AFDN: variants seen among roughly 807,000 people sequenced by gnomAD.
AFDN encodes afadin.
A neutral mutation model predicts 216.6 loss-of-function variants in AFDN; 68 were observed. That is an observed-to-expected ratio of 0.31 (90% CI 0.26 to 0.38). The LOEUF (loss-of-function observed/expected upper bound fraction) is 0.38, where lower values mean the gene tolerates loss of function less well. Among genes scored for constraint, AFDN ranks in the 10% least tolerant of loss-of-function variants. The probability of loss-of-function intolerance (pLI) is 1.00; values close to 1 mark genes in which losing one functional copy is unlikely to be tolerated. For missense variants in AFDN, 2,136 were observed against 2,342.0 expected (o/e 0.91, Z 1.82); for synonymous variants, 868 against 853.7 (o/e 1.02, Z -0.29).
chr6:167,896,854 G>T (rs748825922), intron 9 of AFDN, 24 bp from the exon 10 acceptor site: 1 of 1,456,940 alleles, frequency 6.9e-7, no homozygotes, highest in Non-Finnish European at 9.6e-7. Flanking sequence ...TGCAAATAGA[G>T]CTGTCTTCCT....
At chr6:167,889,624 G>T (rs925867939) in intron 7 of AFDN, among the ~76,000 whole-genome samples, 1 of 152,154 alleles carries the variant, frequency 6.6e-6, no homozygotes, top group Non-Finnish European at 1.5e-5. Context: ...TAGAGATGGG[G>T]TTTCTCCATG....
intron 3 of AFDN, 51 bp downstream of exon 3, chr6:167,870,549 C>T: frequency 2.7e-6 from 3 of 1,106,778 alleles, no homozygotes; most frequent in Non-Finnish European, 4.0e-6. Flanking sequence ...CCAGGTCTGA[C>T]TGATAAACAG....
intron 1 of AFDN, among the ~76,000 whole-genome samples, chr6:167,835,765 A>G (rs1048885082): frequency 1.3e-5 from 2 of 152,230 alleles, no homozygotes; most frequent in Non-Finnish European, 1.5e-5. Flanking sequence ...TCAAAATATT[A>G]CTAAGAAAAT....
intron 1 of AFDN, among the ~76,000 whole-genome samples, chr6:167,863,544 AT>A (rs1185484139): frequency 6.6e-6 from 1 of 152,212 alleles, no homozygotes; most frequent in Non-Finnish European, 1.5e-5. Context: ...TTCTGGGTGT[AT>A]TTTGATGGAT....
At chr6:167,921,750 A>G (rs1383507044) in intron 21 of AFDN, among the ~76,000 whole-genome samples, 1 of 152,226 alleles carries the variant, frequency 6.6e-6, no homozygotes, top group Non-Finnish European at 1.5e-5. Context: ...CATGAGAAAG[A>G]GAAGCAAGTT....
At chr6:167,863,657 T>G in intron 1 of AFDN, 1 of 393,126 alleles carries the variant, frequency 2.5e-6, no homozygotes, top group South Asian at 2.1e-5. Context: ...TCTGGAATTT[T>G]TGTTGGGAGT....
At chr6:167,856,634 T>G (rs559100563) in intron 1 of AFDN, among the ~76,000 whole-genome samples, 1 of 152,140 alleles carries the variant, frequency 6.6e-6, no homozygotes, top group African/African-American at 2.4e-5. Flanking sequence ...TGATGAAATA[T>G]GTAGTTCCTA....
At chr6:167,839,265 T>G (rs1780786352) in intron 1 of AFDN, among the ~76,000 whole-genome samples, 1 of 152,214 alleles carries the variant, frequency 6.6e-6, no homozygotes, top group Non-Finnish European at 1.5e-5. Context: ...ATTGTTTTCA[T>G]GAACTGATGC....
chr6:167,947,326 C>A (rs531714112), intron 27 of AFDN, among the ~76,000 whole-genome samples: 2,682 of 152,106 alleles, frequency 0.018, 35 homozygotes, highest in Non-Finnish European at 0.027. Flanking sequence ...ACTATGGGCG[C>A]CCACCACCAC....
At chr6:167,891,966 T>C (rs1787671987) in intron 8 of AFDN, among the ~76,000 whole-genome samples, 2 of 152,332 alleles carry the variant, frequency 1.3e-5, no homozygotes, top group South Asian at 2.1e-4. Context: ...ACATTTTTTC[T>C]TCTTTGATTT....
chr6:167,827,419 C>G (rs956425914), intron 1 of AFDN, among the ~76,000 whole-genome samples, 182 bp downstream of exon 1: 2 of 145,188 alleles, frequency 1.4e-5, no homozygotes, highest in African/African-American at 4.9e-5. Flanking sequence ...CCGCAGCCCC[C>G]GTCCCCCTGC....
At chr6:167,893,991 T>A (rs1259111095) in intron 9 of AFDN, 85 bp downstream of exon 9, 1 of 1,011,012 alleles carries the variant, frequency 9.9e-7, no homozygotes, top group Non-Finnish European at 1.5e-6. Context: ...CCAAATATCT[T>A]ATGTATCAGT....
chr6:167,888,448 T>A (rs1787143696), intron 6 of AFDN, among the ~76,000 whole-genome samples: 1 of 152,200 alleles, frequency 6.6e-6, no homozygotes, highest in African/African-American at 2.4e-5. Context: ...CCTGTTTTGG[T>A]TCATGTTAGC....
intron 1 of AFDN, among the ~76,000 whole-genome samples, chr6:167,857,606 A>G (rs1348881560): frequency 1.3e-5 from 2 of 152,092 alleles, no homozygotes. Flanking sequence ...GAGGGGGATT[A>G]CATTTGTATT....
intron 24 of AFDN, 45 bp from the exon 25 acceptor site, chr6:167,943,357 T>C (rs1794916934): frequency 6.3e-7 from 1 of 1,576,976 alleles, no homozygotes. Flanking sequence ...CCGCTCTCTT[T>C]GCTCTCTACC....
chr6:167,852,781 G>C (rs997459809), intron 1 of AFDN, among the ~76,000 whole-genome samples: 1 of 151,966 alleles, frequency 6.6e-6, no homozygotes, highest in African/African-American at 2.4e-5. Flanking sequence ...ATTTTTCTTT[G>C]GTATAATGAG....
At chr6:167,956,057 G>A (rs1262641952) in intron 30 of AFDN, among the ~76,000 whole-genome samples, 2 of 134,326 alleles carry the variant, frequency 1.5e-5, no homozygotes, top group Non-Finnish European at 3.1e-5. Context: ...GGAGGTTGCA[G>A]TGACCAGAGA....
chr6:167,870,238 CAA>C (rs1156761712), intron 2 of AFDN, 146 bp from the exon 3 acceptor site: 8 of 516,750 alleles, frequency 1.5e-5, no homozygotes, highest in Non-Finnish European at 2.1e-5. Context: ...TTAATTAAAA[CAA>C]ATGATTTTAC....
intron 22 of AFDN, among the ~76,000 whole-genome samples, chr6:167,923,847 A>G (rs1037492320): frequency 2.6e-5 from 4 of 151,384 alleles, no homozygotes; most frequent in African/African-American, 9.7e-5. Context: ...CTGGTCTCGA[A>G]CTCCTGACCT....
Sources: gnomAD v4.1 joint callset for allele counts (sites outside exome capture counted in the v4.1 genomes callset) on GRCh38, gnomAD v4.1.1 for gene constraint, MANE v1.5 for transcripts, NCBI Gene and HGNC (gene_info 2026-07-23, HGNC 2026-07-21) for gene names.